The following DSPP variants were observed in gnomAD, a reference collection of about 807,000 sequenced individuals.
DSPP encodes dentin sialophosphoprotein.
A neutral mutation model predicts 29.1 loss-of-function variants in DSPP; 28 were observed. That is an observed-to-expected ratio of 0.96 (90% confidence interval 0.71 to 1.32). The LOEUF (loss-of-function observed/expected upper bound fraction) is 1.32. Among genes scored for constraint, DSPP ranks in the 40% most tolerant of loss-of-function variants. DSPP has a pLI of 0.00. For synonymous variants in DSPP, 481 were observed against 503.4 expected (o/e 0.96, Z 0.60); for missense variants, 1,281 against 1,629.9 (o/e 0.79, Z 3.69).
intron 1 of DSPP, 148 bp from the exon 2 acceptor site, chr4:87,610,733 G>T: frequency 1.6e-6 from 1 of 627,666 alleles, no homozygotes; most frequent in East Asian, 2.8e-5. Flanking sequence ...ACCACACCAG[G>T]TATGTTCTGG....
rs769956177 is a variant in DSPP at position 87,610,965 on chromosome 4, T to C, written c.51+6T>C. The C allele has an allele frequency of 2.5e-6, 4 of 1,613,118 alleles. No homozygotes were observed. The Admixed American group carries it at 6.7e-5, about 27-fold the overall frequency. ...CAGTAGCATGGGCCATTCCAGTAAG[T>C]ATGCCTTTCTTAGAAAACCTCTTCA... On this transcript the variant is annotated splice_donor_region_variant and intron_variant, in intron 2 of 4. Transcript: ENST00000651931.
chr4:87,612,694 G>A lies in DSPP; in HGVS notation c.508G>A (p.Ala170Thr), dbSNP rs1286696153. ...TACCCAAAATGGGGATGTTGGCGAT[G>A]CAGGTCACAATGAGGATGTCGCTGT... ...KNTQNGDVGD[A>T]GHNEDVAVVQ... Residue 170 changes from alanine to threonine, a missense_variant, in exon 4 of 5, where the codon GCA (alanine) becomes ACA (threonine). By Grantham distance (58) the Ala-to-Thr change is moderately conservative. Coordinates refer to ENST00000651931, the MANE Select transcript of DSPP (RefSeq NM_014208.3). 6.2e-7 allele frequency: 1 copy of A among 1,614,202 alleles called. No individual in the cohort carries two copies. Among genetic ancestry groups the A allele is most frequent in the Non-Finnish European group, 8.5e-7 (1 of 1,180,022 alleles).
Position 87,614,627 on chromosome 4 carries a change from TAGC to T in DSPP, c.1969_1971del (p.Ser657del), listed in dbSNP as rs1560478645. ...GCAGTGACAGTAGTGACAACAGTGA[TAGC>T]AGCGACAGCAGCAATAGCAGTAACA... is the stretch of plus-strand genomic sequence containing the variant. On this transcript the variant is annotated inframe_deletion, in exon 5 of 5. Coordinates refer to ENST00000651931, the MANE Select transcript of DSPP (RefSeq NM_014208.3). 5 of 1,546,114 alleles carry T rather than the reference TAGC, an allele frequency of 3.2e-6. No individual in the cohort carries two copies. The highest frequency in any genetic ancestry group is 3.9e-5 in the Admixed American group (2 of 50,710).
chr4:87,609,529 G>A (rs1235181179), intron 1 of DSPP, among the ~76,000 whole-genome samples: 1 of 152,110 alleles, frequency 6.6e-6, no homozygotes, highest in African/African-American at 2.4e-5. Context: ...TTGAATCTAT[G>A]GCATTTCAGA....
chr4:87,613,089 T>G lies in DSPP; in HGVS notation c.903T>G (p.Ser301Arg), dbSNP rs199872819. ...HDSSIGQNSD[S>R]KEYYDPEGKE... ...GTAGCATAGGTCAAAATTCAGATAG[T>G]AAAGAATATTATGACCCTGAAGGCA... is the stretch of plus-strand genomic sequence containing the variant. The change falls in exon 4 of 5, where the codon AGT (serine) becomes AGG (arginine). Residue 301 changes from serine (S) to arginine (R), a missense_variant. By Grantham distance (110) the Ser-to-Arg change is moderately radical (BLOSUM62 -1). Coordinates refer to ENST00000651931, the MANE Select transcript of DSPP (RefSeq NM_014208.3). 216 of 1,614,078 alleles carry G rather than the reference T, an allele frequency of 1.3e-4. No homozygotes were observed. The African/African-American group carries it at 2.4e-3, about 18-fold the overall frequency.
Position 87,615,577 on chromosome 4 carries a change from A to C in DSPP, c.2915A>C (p.Asn972Thr). The change falls in exon 5 of 5, where the codon AAT becomes ACT. Residue 972 changes from asparagine to threonine, a missense_variant. Coordinates refer to ENST00000651931, the MANE Select transcript of DSPP (RefSeq NM_014208.3). ...SSNSSDSSDS[N>T]SSDSSDSSNS... ...AACAGCAGTGACAGCAGTGATAGCA[A>C]TAGCAGCGACAGCAGTGACAGCAGC... 6.5e-7 allele frequency: 1 copy of C among 1,533,656 alleles called. No homozygotes were observed. The highest frequency in any genetic ancestry group is 8.8e-7 in the Non-Finnish European group (1 of 1,139,974).
At position 87,612,094 on chromosome 4, in the gene DSPP, C is replaced by T. The variant is rs746453054; in HGVS notation, c.52-11C>T. 2 of 1,613,054 alleles carry T rather than the reference C, an allele frequency of 1.2e-6. No individual in the cohort carries two copies. The highest frequency in any genetic ancestry group is 1.7e-6 in the Non-Finnish European group (2 of 1,179,378). On this transcript the variant is annotated splice_polypyrimidine_tract_variant and intron_variant, in intron 2 of 4. Coordinates refer to ENST00000651931, the MANE Select transcript of DSPP (RefSeq NM_014208.3). ...GAACCTTTTCAATAGCCAGTATTTT[C>T]TACTTGGCAGGTTCCTCAAAGCAAA...
In DSPP at chr4:87,616,490, T is replaced by C. The variant is rs527467362; in HGVS notation, c.3828T>C (p.Gly1276=). Residue 1276 remains glycine, a synonymous_variant, in exon 5 of 5, where the codon GGT becomes GGC. Coordinates refer to ENST00000651931, the MANE Select transcript of DSPP (RefSeq NM_014208.3). ...NDESDSQSKS[G]NGNNNGSDSD... ...AGAGTGACAGCCAGAGCAAGTCTGG[T>C]AACGGTAACAACAATGGAAGTGACA... The C allele has an allele frequency of 2.6e-6, 4 of 1,551,678 alleles. No individual in the cohort carries two copies. In the South Asian group the frequency reaches 4.8e-5, roughly 18 times the overall value.
chr4:87,613,911 C>G lies in DSPP; in HGVS notation c.1249C>G (p.Gln417Glu), dbSNP rs553355865. 3 of 1,614,138 alleles carry G rather than the reference C, an allele frequency of 1.9e-6. No individual in the cohort carries two copies. Among genetic ancestry groups the G allele is most frequent in the Non-Finnish European group, 2.5e-6 (3 of 1,180,028 alleles). ...MILGKGNVKT[Q>E]GEVVNIEGPG... The stretch of plus-strand genomic sequence containing the variant: ...CTTGGGCAAAGGCAATGTCAAGACA[C>G]AAGGAGAGGTTGTCAACATAGAAGG... The change falls in exon 5 of 5, where the codon CAA (glutamine) becomes GAA (glutamate). Residue 417 changes from glutamine (Q) to glutamate (E), a missense_variant. Physicochemically the swap from Gln to Glu is conservative, Grantham distance 29. This residue lies in a region of DSPP where 631 missense variants were observed against 643.2 expected (regional missense o/e 0.98). Transcript: ENST00000651931.
intron 2 of DSPP, 134 bp downstream of exon 2, chr4:87,611,093 G>A (rs1211197254): frequency 1.5e-5 from 13 of 884,680 alleles, no homozygotes; most frequent in Admixed American, 6.1e-5. Flanking sequence ...ATGTGTGTGT[G>A]TATATATGTT....
Position 87,613,797 on chromosome 4 carries a change from A to G in DSPP, c.1135A>G (p.Lys379Glu). 2 of 1,614,192 alleles carry G rather than the reference A, an allele frequency of 1.2e-6. No homozygotes were observed. Among genetic ancestry groups the G allele is most frequent in the South Asian group, 2.2e-5 (2 of 91,080 alleles). ...CATCCTTCCATAGGGAATAGAAATCAAGGGTCCCAGCAGTGGCAACAGAAA... is the reference window on the plus strand; with the variant it reads ...CATCCTTCCATAGGGAATAGAAATCGAGGGTCCCAGCAGTGGCAACAGAAA... ...GKSQDKGIEI[K>E]GPSSGNRNIT... The change falls in exon 5 of 5, where the codon AAG (lysine) becomes GAG (glutamate). Residue 379 changes from lysine to glutamate, a missense_variant. This residue lies in a region of DSPP where 631 missense variants were observed against 643.2 expected (regional missense o/e 0.98). Transcript: ENST00000651931.
At position 87,613,060 on chromosome 4, in the gene DSPP, G is replaced by C; in HGVS notation, c.874G>C (p.Asp292His). Residue 292 changes from aspartate (D) to histidine (H), a missense_variant, in exon 4 of 5, where the codon GAT becomes CAT. Around this residue, in one of 4 missense-constraint regions of DSPP, gnomAD observed 631 missense variants for 643.2 expected, o/e 0.98. Transcript: ENST00000651931. ...GGACCATGGGAAAGAAGATGATCAT[G>C]ATAGTAGCATAGGTCAAAATTCAGA... ...GQDHGKEDDH[D>H]SSIGQNSDSK... The C allele has an allele frequency of 6.2e-7, 1 of 1,614,158 alleles. No individual in the cohort carries two copies. The highest frequency in any genetic ancestry group is 8.5e-7 in the Non-Finnish European group (1 of 1,180,028).
In DSPP at chr4:87,616,340, CGACAGCAGTGACAGCAAT is replaced by C; in HGVS notation, c.3681_3698del (p.Asp1227_Asn1232del). ...ACAGCAGCGACAGCAGTGACAGCAG[CGACAGCAGTGACAGCAAT>C]GAAAGCAGCGACAGCAGTGACAGCA... On this transcript the variant is annotated inframe_deletion, in exon 5 of 5. Transcript: ENST00000651931. 1 of 1,401,062 alleles carries C rather than the reference CGACAGCAGTGACAGCAAT, an allele frequency of 7.1e-7. No individual in the cohort carries two copies. The highest frequency in any genetic ancestry group is 9.5e-7 in the Non-Finnish European group (1 of 1,052,576). 86.8% of individuals were successfully genotyped at this position (1,401,062 alleles called of 1,614,324 possible).
rs1488886465 is a variant in DSPP at position 87,613,102 on chromosome 4, G to T, written c.916G>T (p.Asp306Tyr). 6.2e-6 allele frequency: 10 copies of T among 1,614,022 alleles called. No homozygotes were observed. Among genetic ancestry groups the T allele is most frequent in the Admixed American group, 1.7e-5 (1 of 60,002 alleles). The change falls in exon 4 of 5, where the codon GAC becomes TAC. Residue 306 changes from aspartate (D) to tyrosine (Y), a missense_variant. Asp to Tyr is a radical substitution (Grantham distance 160). Coordinates refer to ENST00000651931, the MANE Select transcript of DSPP (RefSeq NM_014208.3). ...GQNSDSKEYY[D>Y]PEGKEDPHNE... The stretch of plus-strand genomic sequence containing the variant: ...AAATTCAGATAGTAAAGAATATTAT[G>T]ACCCTGAAGGCAAAGAAGATCCCCA...
At position 87,614,721 on chromosome 4, in the gene DSPP, A is replaced by G. The variant is rs1430301688; in HGVS notation, c.2059A>G (p.Ser687Gly). The stretch of plus-strand genomic sequence containing the variant: ...CAGTAGCAGTGACAGCAGCAACAGC[A>G]GTGATAGTAGTGACAGTAGTGACAG... ...SSSSSDSSNS[S>G]DSSDSSDSSN... Residue 687 changes from serine (S) to glycine (G), a missense_variant, in exon 5 of 5, where the codon AGT becomes GGT. Physicochemically the swap from Ser to Gly is moderately conservative, Grantham distance 56 (BLOSUM62 0). Transcript: ENST00000651931. The G allele has an allele frequency of 6.5e-7, 1 of 1,544,422 alleles. No individual in the cohort carries two copies. Among genetic ancestry groups the G allele is most frequent in the Non-Finnish European group, 8.8e-7 (1 of 1,141,814 alleles).
At position 87,614,539 on chromosome 4, in the gene DSPP, G is replaced by A. The variant is rs1246045675; in HGVS notation, c.1877G>A (p.Ser626Asn). The A allele has an allele frequency of 6.4e-7, 1 of 1,550,858 alleles. No individual in the cohort carries two copies. The highest frequency in any genetic ancestry group is 8.7e-7 in the Non-Finnish European group (1 of 1,146,478). ...GACAGCAGTGACAGCAAGTCAGACA[G>A]CAGCAAATCAGAGAGCGACAGCAGT... ...SSDSSDSKSD[S>N]SKSESDSSDS... Residue 626 changes from serine to asparagine, a missense_variant, in exon 5 of 5, where the codon AGC becomes AAC. Physicochemically the swap from Ser to Asn is conservative, Grantham distance 46. This residue lies in a region of DSPP where 444 missense variants were observed against 611.4 expected (regional missense o/e 0.73). Coordinates refer to ENST00000651931, the MANE Select transcript of DSPP (RefSeq NM_014208.3).
chr4:87,614,659 G>C lies in DSPP; in HGVS notation c.1997G>C (p.Ser666Thr), dbSNP rs374864555. The C allele has an allele frequency of 6.5e-7, 1 of 1,539,072 alleles. No individual in the cohort carries two copies. The highest frequency in any genetic ancestry group is 1.4e-5 in the African/African-American group (1 of 73,044). ...GACAGCAGCAATAGCAGTAACAGCA[G>C]TGATAGTAGTGACAGCAGTGATAGC... ...SSDSSNSSNS[S>T]DSSDSSDSSD... The change falls in exon 5 of 5, where the codon AGT becomes ACT. Residue 666 changes from serine to threonine, a missense_variant. Physicochemically the swap from Ser to Thr is moderately conservative, Grantham distance 58. Transcript: ENST00000651931.
rs1198134256 is a variant in DSPP at position 87,615,554 on chromosome 4, CAGCAGTGACAGCAGTGATAGCAAT to C, written c.2898_2921del (p.Asn972_Ser979del). The C allele has an allele frequency of 3.2e-6, 5 of 1,549,106 alleles. No homozygotes were observed. Among genetic ancestry groups the C allele is most frequent in the South Asian group, 1.2e-5 (1 of 83,918 alleles). Reference sequence around the variant, plus strand: ...GCAGCAATAGCAGTGACAGCAGCAACAGCAGTGACAGCAGTGATAGCAATAGCAGCGACAGCAGTGACAGCAGCA... The same window carrying C: ...GCAGCAATAGCAGTGACAGCAGCAACAGCAGCGACAGCAGTGACAGCAGCA... On this transcript the variant is annotated inframe_deletion, in exon 5 of 5. Coordinates refer to ENST00000651931, the MANE Select transcript of DSPP (RefSeq NM_014208.3).
chr4:87,612,959 G>C lies in DSPP; in HGVS notation c.773G>C (p.Gly258Ala), dbSNP rs748488953. The change falls in exon 4 of 5, where the codon GGT becomes GCT. Residue 258 changes from glycine to alanine, a missense_variant. Gly to Ala is a moderately conservative substitution (Grantham distance 60). Coordinates refer to ENST00000651931, the MANE Select transcript of DSPP (RefSeq NM_014208.3). ...GNGADEDEDE[G>A]SGDDEDEEAG... Reference sequence around the variant, plus strand: ...GGAGCAGATGAGGATGAAGACGAGGGTTCTGGTGATGATGAAGATGAAGAA... The same window carrying C: ...GGAGCAGATGAGGATGAAGACGAGGCTTCTGGTGATGATGAAGATGAAGAA... 6.2e-7 allele frequency: 1 copy of C among 1,614,172 alleles called. No individual in the cohort carries two copies.
Sources: gnomAD v4.1 joint callset for allele counts (sites outside exome capture counted in the v4.1 genomes callset) on GRCh38, gnomAD v4.1.1 for gene constraint, gnomAD v4.1.1 regional missense constraint, MANE v1.5 for transcripts, NCBI Gene and HGNC (gene_info 2026-07-23, HGNC 2026-07-21) for gene names.